HYOU1: variants seen among roughly 807,000 people sequenced by gnomAD.
HYOU1 encodes hypoxia up-regulated 1, also known as hypoxia up-regulated protein 1.
Under a neutral mutation model 120.5 loss-of-function variants are expected in HYOU1, and 40 were observed. The observed-to-expected ratio is 0.33, with a 90% CI of 0.26 to 0.43. The LOEUF (loss-of-function observed/expected upper bound fraction) is 0.43, where lower values mean the gene tolerates loss of function less well. HYOU1 is among the 20% of genes least tolerant of loss of function. The probability of loss-of-function intolerance (pLI) is 1.00; values close to 1 mark genes in which losing one functional copy is unlikely to be tolerated. For missense variants in HYOU1, 1,085 were observed against 1,278.3 expected (o/e 0.85, Z 2.31); for synonymous variants, 501 against 479.4 (o/e 1.05, Z -0.59).
chr11:119,047,669 C>T (rs1944163181), intron 22 of HYOU1, 65 bp downstream of exon 22: 2 of 1,354,858 alleles, frequency 1.5e-6, no homozygotes, highest in Non-Finnish European at 2.1e-6. Flanking sequence ...CTTCATCTCT[C>T]CACCTCTCCC....
rs2133589661 is a variant in HYOU1 at position 119,052,019 on chromosome 11, C to A, written c.1206-68G>T. 2 of 1,613,502 alleles carry A rather than the reference C, an allele frequency of 1.2e-6. No individual in the cohort carries two copies. The highest frequency in any genetic ancestry group is 1.3e-5 in the African/African-American group (1 of 75,042). The stretch of plus-strand genomic sequence containing the variant: ...GCAACCGGGACTTCCCTCCCCTCAG[C>A]CCTCCAGCTGCTCAGCCCAAAGCCC... On this transcript the variant is annotated intron_variant, in intron 11 of 25. Coordinates refer to ENST00000617285, the MANE Select transcript of HYOU1 (RefSeq NM_006389.5). The surrounding 1 kb of genome is among the most constrained non-coding windows in gnomAD (Gnocchi z 5.0).
rs1944106249 is a variant in HYOU1 at position 119,046,808 on chromosome 11, G to C, written c.2596-6C>G. ...AGAGTTGCATTCTTCCAGGCCTGTGGGTGAGACCAGGAGAGGCTCCAAGCT... is the reference window on the plus strand; with the variant it reads ...AGAGTTGCATTCTTCCAGGCCTGTGCGTGAGACCAGGAGAGGCTCCAAGCT... On this transcript the variant is annotated splice_region_variant and splice_polypyrimidine_tract_variant and intron_variant, in intron 22 of 25. Transcript: ENST00000617285. The C allele has an allele frequency of 1.3e-6, 2 of 1,598,646 alleles. No homozygotes were observed. The highest frequency in any genetic ancestry group is 2.2e-5 in the South Asian group (2 of 90,986).
chr11:119,056,851 C>T (rs1461529365), intron 1 of HYOU1, 169 bp downstream of exon 1: 1 of 177,410 alleles, frequency 5.6e-6, no homozygotes, highest in Non-Finnish European at 1.2e-5. Flanking sequence ...TCCCGGCCCG[C>T]CCCAGCAAGT....
In HYOU1 at chr11:119,048,144, A is replaced by G. The variant is rs114373819; in HGVS notation, c.2377-64T>C. On this transcript the variant is annotated intron_variant, in intron 20 of 25. Coordinates refer to ENST00000617285, the MANE Select transcript of HYOU1 (RefSeq NM_006389.5). The surrounding 1 kb of genome is among the most constrained non-coding windows in gnomAD (Gnocchi z 4.7). ...GACAGCAGAGCCTGGAGTCAGCCCC[A>G]TGTCCTTCTTTATGGGCTCAAGCCC... 4.5e-3 allele frequency: 7,267 copies of G among 1,611,822 alleles called. 167 individuals are homozygous for G. In the African/African-American group the frequency reaches 0.063, roughly 14 times the overall value.
At position 119,048,982 on chromosome 11, in the gene HYOU1, C is replaced by G; in HGVS notation, c.1992+36G>C. The G allele has an allele frequency of 1.2e-6, 2 of 1,613,302 alleles. No individual in the cohort carries two copies. Among genetic ancestry groups the G allele is most frequent in the Non-Finnish European group, 1.7e-6 (2 of 1,179,304 alleles). On this transcript the variant is annotated intron_variant, in intron 17 of 25. Coordinates refer to ENST00000617285, the MANE Select transcript of HYOU1 (RefSeq NM_006389.5). The surrounding 1 kb of genome is among the most constrained non-coding windows in gnomAD (Gnocchi z 4.7). ...AGGCAGGCGCCTGCTCCCTTAGCCT[C>G]TGGATCCACACTGGCCTTCCTCTGC...
rs1371221183 is a variant in HYOU1, at chr11:119,051,580, G to A, written c.1384C>T (p.Leu462=). The change falls in exon 13 of 26, where the codon CTG becomes TTG. Residue 462 remains leucine (L), a synonymous_variant. Transcript: ENST00000617285. This position sits in a 1 kb window ranked among gnomAD's most constrained non-coding sequence, Gnocchi z 4.2. ...AAGAGTACCCGTTTATTGTGCTTCA[G>A]GCTGTGAATCCCAGGCTCCTCCTCC... ...EVEEEPGIHS[L]KHNKRVLFSR... is the part of the protein sequence containing the mutation. 2.5e-6 allele frequency: 4 copies of A among 1,614,120 alleles called. No homozygotes were observed. The highest frequency in any genetic ancestry group is 3.4e-6 in the Non-Finnish European group (4 of 1,180,016).
chr11:119,056,232 A>C, intron 1 of HYOU1, 65 bp from the exon 2 acceptor site: 1 of 1,129,140 alleles, frequency 8.9e-7, no homozygotes, highest in Non-Finnish European at 1.3e-6. Context: ...ACAGAATCAC[A>C]TCCCAGAACG....
Position 119,052,439 on chromosome 11 carries a change from G to T in HYOU1, c.988-10C>A. 1 of 1,614,108 alleles carries T rather than the reference G, an allele frequency of 6.2e-7. No homozygotes were observed. The highest frequency in any genetic ancestry group is 1.7e-5 in the Admixed American group (1 of 60,026). On this transcript the variant is annotated splice_polypyrimidine_tract_variant and intron_variant, in intron 9 of 25. Transcript: ENST00000617285. The surrounding 1 kb of genome is among the most constrained non-coding windows in gnomAD (Gnocchi z 5.0). ...CCATCAGGCCTTCAATCTGGGAGAGGATGGGGACTGTCAGGGGGTTCTTGC... is the reference window on the plus strand; with the variant it reads ...CCATCAGGCCTTCAATCTGGGAGAGTATGGGGACTGTCAGGGGGTTCTTGC...
At chr11:119,050,455 ACCCATAAT>A (rs1944357428) in intron 14 of HYOU1, among the ~76,000 whole-genome samples, 1 of 151,926 alleles carries the variant, frequency 6.6e-6, no homozygotes, top group South Asian at 2.1e-4. Flanking sequence ...CGTGGCTCCC[ACCCATAAT>A]CCCTGTACTT....
rs1046244492 is a variant in HYOU1 at position 119,056,085 on chromosome 11, G to A, written c.76C>T (p.Leu26=). Residue 26 remains leucine, a synonymous_variant, in exon 2 of 26, where the codon CTG becomes TTG. Transcript: ENST00000617285. ...GGGTACATACCACTCAGTGCCAACA[G>A]GTCTGCCAAGAGCACAGCCACCAAG... is the stretch of plus-strand genomic sequence containing the variant. ...WALVAVLLAD[L]LALSDTLAVM... 3 of 1,613,948 alleles carry A rather than the reference G, an allele frequency of 1.9e-6. No individual in the cohort carries two copies. Among genetic ancestry groups the A allele is most frequent in the Non-Finnish European group, 2.5e-6 (3 of 1,179,878 alleles).
Position 119,052,559 on chromosome 11 carries a change from A to G in HYOU1, c.987+78T>C. ...AGGAGCATGGGCCATGCCAGGCACG[A>G]GCAGCCCAGTTCAGTGGCAGGGTCC... On this transcript the variant is annotated intron_variant, in intron 9 of 25. Transcript: ENST00000617285. The surrounding 1 kb of genome is among the most constrained non-coding windows in gnomAD (Gnocchi z 5.0). The G allele has an allele frequency of 6.4e-7, 1 of 1,571,748 alleles. No homozygotes were observed. Among genetic ancestry groups the G allele is most frequent in the Non-Finnish European group, 8.7e-7 (1 of 1,153,686 alleles).
intron 25 of HYOU1, 62 bp from the exon 26 acceptor site, chr11:119,045,716 T>G (rs1317145179): frequency 6.2e-7 from 1 of 1,613,350 alleles, no homozygotes; most frequent in Non-Finnish European, 8.5e-7. Flanking sequence ...CCAACCCCAG[T>G]TCTTTGCAAA....
rs781827314 is a variant in HYOU1 at position 119,048,782 on chromosome 11, G to C, written c.2097C>G (p.Ile699Met). ...PARKRRMVEE[I>M]GVELVVLDLP... ...GGTCCAGAACAACCAGCTCCACCCC[G>C]ATCTCCTCTACCATTCGCCGCTTCC... Residue 699 changes from isoleucine to methionine, a missense_variant, in exon 18 of 26, where the codon ATC becomes ATG. Ile to Met is a conservative substitution (Grantham distance 10, BLOSUM62 1). Coordinates refer to ENST00000617285, the MANE Select transcript of HYOU1 (RefSeq NM_006389.5). The surrounding 1 kb of genome is among the most constrained non-coding windows in gnomAD (Gnocchi z 4.7). The C allele has an allele frequency of 4.3e-6, 7 of 1,614,054 alleles. No homozygotes were observed. Among genetic ancestry groups the C allele is most frequent in the Non-Finnish European group, 5.9e-6 (7 of 1,179,994 alleles).
Position 119,055,208 on chromosome 11 carries a change from C to A in HYOU1, c.396G>T (p.Gln132His), listed in dbSNP as rs1245354139. The change falls in exon 5 of 26, where the codon CAG (glutamine) becomes CAT (histidine). Residue 132 changes from glutamine (Q) to histidine (H), a missense_variant. Physicochemically the swap from Gln to His is conservative, Grantham distance 24 (BLOSUM62 0). Coordinates refer to ENST00000617285, the MANE Select transcript of HYOU1 (RefSeq NM_006389.5). This position sits in a 1 kb window ranked among gnomAD's most constrained non-coding sequence, Gnocchi z 4.0. Reference sequence around the variant, plus strand: ...ACGAGCTGATCTGAAAGTGCACAGTCTGCCTCTGTGGGTCGAAAGTCAGCT... The same window carrying A: ...ACGAGCTGATCTGAAAGTGCACAGTATGCCTCTGTGGGTCGAAAGTCAGCT... ...EHELTFDPQR[Q>H]TVHFQISSQL... 1.2e-6 allele frequency: 2 copies of A among 1,613,992 alleles called. No homozygotes were observed. The highest frequency in any genetic ancestry group is 2.7e-5 in the African/African-American group (2 of 74,926).
Position 119,055,408 on chromosome 11 carries a change from C to T in HYOU1, c.265-69G>A. The T allele has an allele frequency of 6.2e-7, 1 of 1,608,014 alleles. No homozygotes were observed. The highest frequency in any genetic ancestry group is 8.5e-7 in the Non-Finnish European group (1 of 1,175,116). On this transcript the variant is annotated intron_variant, in intron 4 of 25. Transcript: ENST00000617285. This position sits in a 1 kb window ranked among gnomAD's most constrained non-coding sequence, Gnocchi z 4.0. ...CCACCATTACCTACCTCTTACATCACAGAGACTGATAAGGAAACAGACTCT... is the reference window on the plus strand; with the variant it reads ...CCACCATTACCTACCTCTTACATCATAGAGACTGATAAGGAAACAGACTCT...
At chr11:119,053,093 C>T (rs1944543424) in intron 8 of HYOU1, 1 of 399,118 alleles carries the variant, frequency 2.5e-6, no homozygotes, top group Non-Finnish European at 4.5e-6. Flanking sequence ...ACAAATGTGG[C>T]GGTGGGGAGA....
In HYOU1 at chr11:119,052,585, C is replaced by T; in HGVS notation, c.987+52G>A. The stretch of plus-strand genomic sequence containing the variant: ...GCAGCCCAGTTCAGTGGCAGGGTCC[C>T]CCACCCTCTACGTGGGACAAAATAT... On this transcript the variant is annotated intron_variant, in intron 9 of 25. Coordinates refer to ENST00000617285, the MANE Select transcript of HYOU1 (RefSeq NM_006389.5). This position sits in a 1 kb window ranked among gnomAD's most constrained non-coding sequence, Gnocchi z 5.0. 6.3e-7 allele frequency: 1 copy of T among 1,578,982 alleles called. No individual in the cohort carries two copies. The highest frequency in any genetic ancestry group is 8.6e-7 in the Non-Finnish European group (1 of 1,159,102).
In HYOU1 at chr11:119,052,448, T is replaced by C. The variant is rs1944497565; in HGVS notation, c.988-19A>G. The C allele has an allele frequency of 2.5e-6, 4 of 1,614,074 alleles. No individual in the cohort carries two copies. Among genetic ancestry groups the C allele is most frequent in the Non-Finnish European group, 2.5e-6 (3 of 1,180,002 alleles). On this transcript the variant is annotated intron_variant, in intron 9 of 25. Transcript: ENST00000617285. The surrounding 1 kb of genome is among the most constrained non-coding windows in gnomAD (Gnocchi z 5.0). ...CTTCAATCTGGGAGAGGATGGGGAC[T>C]GTCAGGGGGTTCTTGCCCAGCTCCC...
chr11:119,046,861 C>A (rs764093199), intron 22 of HYOU1, 59 bp from the exon 23 acceptor site: 6 of 1,570,216 alleles, frequency 3.8e-6, no homozygotes, highest in Non-Finnish European at 3.4e-6. Context: ...ACATCTCTGT[C>A]CCAGATGGAA....
Sources: allele counts gnomAD v4.1 joint callset (sites outside exome capture counted in the v4.1 genomes callset), GRCh38; gene constraint gnomAD v4.1.1; non-coding constraint Gnocchi (gnomAD v3.1); transcripts MANE v1.5; gene names NCBI Gene and HGNC (gene_info 2026-07-23, HGNC 2026-07-21).